The following COL4A1 variants were observed in gnomAD, a reference collection of about 807,000 sequenced individuals.
The protein encoded by COL4A1 is collagen alpha-1(IV) chain.
In COL4A1, 40 loss-of-function variants were observed where a neutral mutation model predicts 216.6. The observed-to-expected ratio is 0.18, with a 90% CI of 0.14 to 0.24. The LOEUF (loss-of-function observed/expected upper bound fraction) is 0.24. Ranked by LOEUF, COL4A1 falls within the 10% of genes least tolerant of loss-of-function variation. The pLI, the probability that COL4A1 is intolerant of heterozygous loss-of-function variation, is 1.00. For synonymous variants in COL4A1, 839 were observed against 810.7 expected (o/e 1.03, Z -0.59); for missense variants, 1,628 against 2,196.8 (o/e 0.74, Z 5.18).
intron 1 of COL4A1, among the ~76,000 whole-genome samples, chr13:110,253,307 T>C (rs12019921): frequency 2.3e-4 from 9 of 39,988 alleles, no homozygotes; most frequent in African/African-American, 4.6e-4. Flanking sequence ...TATAATTATA[T>C]GTATTACATA....
chr13:110,167,465 GTCCA>G (rs1172022932), intron 43 of COL4A1, among the ~76,000 whole-genome samples: 2 of 152,228 alleles, frequency 1.3e-5, no homozygotes, highest in Admixed American at 1.3e-4. Context: ...TCCTCTGCTT[GTCCA>G]TCCACAGGGG....
At chr13:110,179,068 A>G (rs1229979056) in intron 30 of COL4A1, 32 bp from the exon 31 acceptor site, 7 of 1,592,292 alleles carry the variant, frequency 4.4e-6, no homozygotes, top group Non-Finnish European at 5.1e-6. Context: ...TAAGCTGTAC[A>G]GGAGCAGTGG....
At chr13:110,222,021 T>A (rs533963491) in intron 2 of COL4A1, among the ~76,000 whole-genome samples, 2 of 152,232 alleles carry the variant, frequency 1.3e-5, no homozygotes, top group East Asian at 3.9e-4. Flanking sequence ...CCGGGCTCCA[T>A]CAACAACACA....
intron 47 of COL4A1, 108 bp from the exon 48 acceptor site, chr13:110,162,550 G>A: frequency 1.2e-6 from 1 of 868,202 alleles, no homozygotes; most frequent in Admixed American, 2.1e-5. Flanking sequence ...TTTCCACAAA[G>A]TATCCTACCT....
At chr13:110,254,152 ACAGAGGATCACTTAGCTCCTAT>A (rs1337802696) in intron 1 of COL4A1, among the ~76,000 whole-genome samples, 2 of 152,140 alleles carry the variant, frequency 1.3e-5, no homozygotes, top group Non-Finnish European at 2.9e-5. Flanking sequence ...TTAGCTCCTA[ACAGAGGATCACTTAGCTCCTAT>A]CAGAGGATGA....
chr13:110,209,308 G>T, intron 11 of COL4A1, 84 bp downstream of exon 11: 1 of 1,276,700 alleles, frequency 7.8e-7, no homozygotes, highest in Non-Finnish European at 1.1e-6. Flanking sequence ...TTTAGAGACT[G>T]AAAGAATAAG....
Position 110,152,406 on chromosome 13 carries a change from C to G in COL4A1, c.4856G>C (p.Arg1619Pro). ...RSAPFIECHG[R>P]GTCNYYANAY... ...GTTTGCGTAGTAATTGCAGGTCCCA[C>G]GGCCGTGACACTCGATGAATGGCGC... The change falls in exon 51 of 52, where the codon CGT becomes CCT. Residue 1619 changes from arginine (R) to proline (P), a missense_variant. Coordinates refer to ENST00000375820, the MANE Select transcript of COL4A1 (RefSeq NM_001845.6). 1.2e-6 allele frequency: 2 copies of G among 1,614,196 alleles called. No individual in the cohort carries two copies. Among genetic ancestry groups the G allele is most frequent in the Non-Finnish European group, 1.7e-6 (2 of 1,180,042 alleles).
intron 1 of COL4A1, among the ~76,000 whole-genome samples, chr13:110,247,416 A>C (rs1260840387): frequency 6.6e-6 from 1 of 152,212 alleles, no homozygotes; most frequent in Non-Finnish European, 1.5e-5. Flanking sequence ...TATATTCTCT[A>C]AAAGTCTCTT....
At chr13:110,185,464 T>C (rs2139172186) in intron 26 of COL4A1, among the ~76,000 whole-genome samples, 1 of 152,346 alleles carries the variant, frequency 6.6e-6, no homozygotes, top group South Asian at 2.1e-4. Flanking sequence ...TATAAATAAC[T>C]ATGTTTTTTA....
chr13:110,163,981 TC>T lies in COL4A1; in HGVS notation c.4151-421del, dbSNP rs1877208201. Among the ~76,000 whole-genome samples, 14 of 102,994 alleles carry T rather than the reference TC, an allele frequency of 1.4e-4. No homozygotes were observed. In the East Asian group the frequency reaches 1.9e-3, roughly 14 times the overall value. 67.6% of individuals were successfully genotyped at this position (102,994 alleles called of 152,430 possible). The stretch of plus-strand genomic sequence containing the variant: ...CTTGTTCTTCTTCTTTCTTTCTCTC[TC>T]TCTTTTTTTTTTTTTTTTTTTTTTG... On this transcript the variant is annotated intron_variant, in intron 46 of 51. Coordinates refer to ENST00000375820, the MANE Select transcript of COL4A1 (RefSeq NM_001845.6).
intron 26 of COL4A1, among the ~76,000 whole-genome samples, chr13:110,183,786 C>T (rs1162696978): frequency 1.3e-5 from 2 of 152,208 alleles, no homozygotes; most frequent in African/African-American, 2.4e-5. Flanking sequence ...GAGAGCTCTG[C>T]GCTCACTTGA....
intron 20 of COL4A1, among the ~76,000 whole-genome samples, chr13:110,200,227 C>T (rs184332306): frequency 4.3e-4 from 65 of 152,366 alleles, no homozygotes; most frequent in African/African-American, 1.5e-3. Flanking sequence ...CAGGTGCACA[C>T]GCACACACGT....
In COL4A1 at chr13:110,166,275, T is replaced by C. The variant is rs1279957272; in HGVS notation, c.3978A>G (p.Gly1326=). 6.2e-7 allele frequency: 1 copy of C among 1,612,738 alleles called. No individual in the cohort carries two copies. Among genetic ancestry groups the C allele is most frequent in the East Asian group, 2.2e-5 (1 of 44,876 alleles). The change falls in exon 45 of 52, where the codon GGA becomes GGG. Residue 1326 remains glycine, a synonymous_variant. Coordinates refer to ENST00000375820, the MANE Select transcript of COL4A1 (RefSeq NM_001845.6). ...CTTGATCGCCTTGATCACCTTTAAT[T>C]CCCTGGAGGCCAGGAAGACCTTTTG... ...QGPKGLPGLQ[G]IKGDQGDQGV...
intron 29 of COL4A1, among the ~76,000 whole-genome samples, chr13:110,180,217 C>A (rs1446101491): frequency 6.6e-6 from 1 of 152,198 alleles, no homozygotes; most frequent in African/African-American, 2.4e-5. Flanking sequence ...CTTTCATTCC[C>A]ATTCCATTAG....
Position 110,179,287 on chromosome 13 carries a change from C to G in COL4A1, c.2328G>C (p.Gly776=). Residue 776 remains glycine (G), a synonymous_variant, in exon 30 of 52, where the codon GGG becomes GGC. Transcript: ENST00000375820. ...TGAAGTTACCTCTGATCCCCTGAAG[C>G]CCAGGGGGTCCGATCGCTCCATGTT... ...PGEHGAIGPP[G]LQGIRGEPGP... is the part of the protein sequence containing the mutation. 6.2e-7 allele frequency: 1 copy of G among 1,614,058 alleles called. No homozygotes were observed. Among genetic ancestry groups the G allele is most frequent in the Non-Finnish European group, 8.5e-7 (1 of 1,180,012 alleles).
chr13:110,203,954 A>G (rs532455610), intron 17 of COL4A1, among the ~76,000 whole-genome samples: 2 of 152,358 alleles, frequency 1.3e-5, no homozygotes, highest in Admixed American at 1.3e-4. Flanking sequence ...TTTCAATTTT[A>G]AAAAGAGAAA....
chr13:110,221,946 C>T (rs1168559277), intron 2 of COL4A1, among the ~76,000 whole-genome samples: 1 of 152,214 alleles, frequency 6.6e-6, no homozygotes, highest in Non-Finnish European at 1.5e-5. Flanking sequence ...AGCTTAATTC[C>T]GTTTTCGCAT....
chr13:110,192,501 C>G (rs547220725), intron 23 of COL4A1, among the ~76,000 whole-genome samples: 10 of 152,312 alleles, frequency 6.6e-5, no homozygotes, highest in African/African-American at 2.4e-4. Flanking sequence ...ATGCTTCCAG[C>G]ACCCCACACC....
rs551707027 is a variant in COL4A1 at position 110,262,278 on chromosome 13, G to A, written c.85-19544C>T. ...GCCCTGCACCTGCCCGCCAGCAAGTGGGGGGCTGAGACCGCCCAGGGCAGG... is the reference window on the plus strand; with the variant it reads ...GCCCTGCACCTGCCCGCCAGCAAGTAGGGGGCTGAGACCGCCCAGGGCAGG... On this transcript the variant is annotated intron_variant, in intron 1 of 51. Coordinates refer to ENST00000375820, the MANE Select transcript of COL4A1 (RefSeq NM_001845.6). Among the ~76,000 whole-genome samples, 24 of 152,202 alleles carry A rather than the reference G, an allele frequency of 1.6e-4. No individual in the cohort carries two copies. The East Asian group carries it at 4.5e-3, about 28-fold the overall frequency.
Sources: gnomAD v4.1 joint callset for allele counts (sites outside exome capture counted in the v4.1 genomes callset) on GRCh38, gnomAD v4.1.1 for gene constraint, MANE v1.5 for transcripts, NCBI Gene and HGNC (gene_info 2026-07-23, HGNC 2026-07-21) for gene names.